Variants in CACNB2 observed in about 807,000 individuals in gnomAD.
CACNB2 encodes voltage-dependent L-type calcium channel subunit beta-2.
In CACNB2, 42 loss-of-function variants were observed where a neutral mutation model predicts 73.3. The ratio of observed to expected loss-of-function variants is 0.57; its 90% CI spans 0.45 to 0.74. CACNB2 has a LOEUF of 0.74. Ranked by LOEUF, CACNB2 falls within the 30% of genes least tolerant of loss-of-function variation. CACNB2 has a pLI of 0.00. For missense variants in CACNB2, 940 were observed against 853.0 expected, an observed-to-expected ratio of 1.10 and a Z score of -1.27; for synonymous variants, 348 against 310.3, an observed-to-expected ratio of 1.12 and a Z score of -1.28.
intron 3 of CACNB2, among the ~76,000 whole-genome samples, chr10:18,418,711 C>T (rs2045144111): frequency 6.6e-6 from 1 of 152,208 alleles, no homozygotes; most frequent in African/African-American, 2.4e-5. Flanking sequence ...CTGTATGTCA[C>T]TTCCCTTTTT....
chr10:18,251,361 C>T (rs1339492076), intron 2 of CACNB2, among the ~76,000 whole-genome samples: 1 of 152,054 alleles, frequency 6.6e-6, no homozygotes, highest in Non-Finnish European at 1.5e-5. Context: ...TCTCCTGCCT[C>T]AGCCTCCTCC....
intron 2 of CACNB2, among the ~76,000 whole-genome samples, chr10:18,288,961 C>A (rs913432354): frequency 6.6e-6 from 1 of 152,112 alleles, no homozygotes; most frequent in Non-Finnish European, 1.5e-5. Flanking sequence ...GGGAGAATTG[C>A]TTTAACCCAG....
At chr10:18,249,032 T>G (rs1241910632) in intron 2 of CACNB2, among the ~76,000 whole-genome samples, 5 of 152,222 alleles carry the variant, frequency 3.3e-5, no homozygotes, top group African/African-American at 1.2e-4. Context: ...TCCACTCACC[T>G]ACTCCTGAGA....
intron 2 of CACNB2, among the ~76,000 whole-genome samples, chr10:18,258,870 T>C (rs1334108734): frequency 1.3e-5 from 2 of 148,516 alleles, no homozygotes; most frequent in East Asian, 4.0e-4. Flanking sequence ...ATATCATGTA[T>C]GGTTCAGAAA....
chr10:18,422,647 T>C (rs2045389071), intron 3 of CACNB2, among the ~76,000 whole-genome samples: 3 of 152,168 alleles, frequency 2.0e-5, no homozygotes, highest in Admixed American at 2.0e-4. Flanking sequence ...TTGCCAAACA[T>C]GTACAATTTG....
chr10:18,238,076 G>A (rs960166812), intron 2 of CACNB2, among the ~76,000 whole-genome samples: 16 of 152,276 alleles, frequency 1.1e-4, no homozygotes, highest in African/African-American at 3.9e-4. Context: ...TGGGCCAGAT[G>A]TAGACTGACT....
chr10:18,301,786 T>C (rs1312220354), intron 2 of CACNB2, among the ~76,000 whole-genome samples: 1 of 151,804 alleles, frequency 6.6e-6, no homozygotes, highest in Non-Finnish European at 1.5e-5. Context: ...GTAGCTGGGA[T>C]TACAGGCATC....
chr10:18,209,004 A>T (rs1191036583), intron 2 of CACNB2, among the ~76,000 whole-genome samples: 2 of 152,196 alleles, frequency 1.3e-5, no homozygotes, highest in African/African-American at 2.4e-5. Context: ...TGCACATTTA[A>T]ATAGAAACTA....
At chr10:18,275,932 T>C (rs2038267101) in intron 2 of CACNB2, among the ~76,000 whole-genome samples, 1 of 152,242 alleles carries the variant, frequency 6.6e-6, no homozygotes. Context: ...CAAAATACGT[T>C]ACTTAATTGC....
chr10:18,292,553 G>C (rs2039109921), intron 2 of CACNB2, among the ~76,000 whole-genome samples: 1 of 152,174 alleles, frequency 6.6e-6, no homozygotes, highest in Non-Finnish European at 1.5e-5. Context: ...CTACTCAGGA[G>C]GCTGAGGCAG....
In CACNB2 at chr10:18,539,579, A is replaced by C. The variant is rs769914961; in HGVS notation, c.1838A>C (p.Asp613Ala). 4.3e-6 allele frequency: 7 copies of C among 1,613,858 alleles called. No individual in the cohort carries two copies. The South Asian group carries it at 7.7e-5, about 18-fold the overall frequency. Reference protein sequence around the residue: ...RESRHRSRDVDREQDHNECNK... With the variant: ...RESRHRSRDVAREQDHNECNK... Reference sequence around the variant, plus strand: ...TCCCGGCACCGTTCCCGGGACGTGGATCGAGAGCAGGACCACAACGAGTGC... The same window carrying C: ...TCCCGGCACCGTTCCCGGGACGTGGCTCGAGAGCAGGACCACAACGAGTGC... The change falls in exon 14 of 14, where the codon GAT (aspartate) becomes GCT (alanine). Residue 613 changes from aspartate (D) to alanine (A), a missense_variant. By Grantham distance (126) the Asp-to-Ala change is moderately radical (BLOSUM62 -2). Transcript: ENST00000324631.
chr10:18,483,162 A>G (rs939767693), intron 3 of CACNB2, among the ~76,000 whole-genome samples: 3 of 152,000 alleles, frequency 2.0e-5, no homozygotes, highest in African/African-American at 7.2e-5. Context: ...AACTCTCTGC[A>G]CTAATCTAAT....
Position 18,178,097 on chromosome 10 carries a change from C to G in CACNB2, c.213+27122C>G, listed in dbSNP as rs565413267. On this transcript the variant is annotated intron_variant, in intron 2 of 13. Coordinates refer to ENST00000324631, the MANE Select transcript of CACNB2 (RefSeq NM_201596.3). Reference sequence around the variant, plus strand: ...CGGTTTTGCATTGGGATGCATACTTCCTGAAGTTCTCCTTTTCTTGGCGGT... The same window carrying G: ...CGGTTTTGCATTGGGATGCATACTTGCTGAAGTTCTCCTTTTCTTGGCGGT... Among the ~76,000 whole-genome samples the G allele has an allele frequency of 2.0e-5, 3 of 152,176 alleles. No individual in the cohort carries two copies. The South Asian group carries it at 6.2e-4, about 32-fold the overall frequency.
intron 2 of CACNB2, among the ~76,000 whole-genome samples, chr10:18,261,534 T>A (rs2037542765): frequency 1.3e-5 from 2 of 152,188 alleles, no homozygotes; most frequent in African/African-American, 4.8e-5. Context: ...TTTTGTGCCT[T>A]GTGACTTTGA....
intron 2 of CACNB2, among the ~76,000 whole-genome samples, chr10:18,335,391 A>G (rs968623771): frequency 2.6e-5 from 4 of 152,180 alleles, no homozygotes; most frequent in Admixed American, 2.6e-4. Context: ...CCTGGCCTAC[A>G]TGTTGAAACC....
At chr10:18,477,902 T>C (rs1043595663) in intron 3 of CACNB2, among the ~76,000 whole-genome samples, 3 of 152,198 alleles carry the variant, frequency 2.0e-5, no homozygotes, top group African/African-American at 7.2e-5. Flanking sequence ...CATTTTTTTT[T>C]CTTTTGGCAG....
chr10:18,141,004 G>T, intron 1 of CACNB2, 148 bp downstream of exon 1: 1 of 1,524,652 alleles, frequency 6.6e-7, no homozygotes, highest in Non-Finnish European at 8.8e-7. Flanking sequence ...CTCTCCTGGC[G>T]CCGGGGACCC....
chr10:18,358,799 G>A (rs1452955500), intron 2 of CACNB2, among the ~76,000 whole-genome samples: 1 of 152,138 alleles, frequency 6.6e-6, no homozygotes, highest in African/African-American at 2.4e-5. Context: ...AGAATAAAAT[G>A]AGAGCCTGAA....
intron 2 of CACNB2, among the ~76,000 whole-genome samples, chr10:18,201,608 C>T (rs1283193629): frequency 6.6e-6 from 1 of 152,114 alleles, no homozygotes; most frequent in Non-Finnish European, 1.5e-5. Context: ...AATAATTTTA[C>T]ATATTTATAA....
Sources: allele counts gnomAD v4.1 joint callset (sites outside exome capture counted in the v4.1 genomes callset), GRCh38; gene constraint gnomAD v4.1.1; transcripts MANE v1.5; gene names NCBI Gene and HGNC (gene_info 2026-07-23, HGNC 2026-07-21).